The following ASAH1 variants were observed in gnomAD, a reference collection of about 807,000 sequenced individuals.
The protein encoded by ASAH1 is acid ceramidase.
In ASAH1, 70 loss-of-function variants were observed where a neutral mutation model predicts 59.5. The ratio of observed to expected loss-of-function variants is 1.18; its 90% confidence interval spans 0.97 to 1.43. The LOEUF (loss-of-function observed/expected upper bound fraction) is 1.43. Among genes scored for constraint, ASAH1 ranks in the 40% most tolerant of loss-of-function variants. The pLI is 0.00. For synonymous variants in ASAH1, 213 were observed against 166.5 expected (o/e 1.28, Z -2.15); for missense variants, 660 against 482.5 (o/e 1.37, Z -3.45).
chr8:18,084,582 C>T (rs371638635), upstream of ASAH1: 49 of 1,572,668 alleles, frequency 3.1e-5, no homozygotes, highest in Middle Eastern at 1.3e-3. Flanking sequence ...GTTATTCATC[C>T]CCACCGCGGA....
chr8:18,084,346 C>T (rs754288194), upstream of ASAH1: 103 of 1,414,944 alleles, frequency 7.3e-5, no homozygotes, highest in Non-Finnish European at 9.2e-5. Flanking sequence ...CCCTCCCCCA[C>T]CGCGGGCAAT....
At chr8:18,071,111 G>A (rs1011239965) in intron 3 of ASAH1, among the ~76,000 whole-genome samples, 189 bp downstream of exon 3, 5 of 151,960 alleles carry the variant, frequency 3.3e-5, no homozygotes, top group Non-Finnish European at 5.9e-5. Flanking sequence ...GGAAGCTGAG[G>A]CAGGGAAATT....
intron 8 of ASAH1, 170 bp from the exon 9 acceptor site, chr8:18,061,910 T>G (rs1027740348): frequency 4.1e-6 from 3 of 727,024 alleles, no homozygotes; most frequent in African/African-American, 1.8e-5. Flanking sequence ...CATTTTTGAT[T>G]CTAGTATGTG....
upstream of ASAH1, chr8:18,084,508 C>G: frequency 1.5e-6 from 2 of 1,355,398 alleles, no homozygotes; most frequent in Non-Finnish European, 2.0e-6. Context: ...AGTCTCAACA[C>G]TAATGTAACA....
intron 1 of ASAH1, among the ~76,000 whole-genome samples, chr8:18,077,603 GTTCT>G (rs1224654201): frequency 6.6e-6 from 1 of 152,102 alleles, no homozygotes; most frequent in East Asian, 1.9e-4. Context: ...CACATGCTTT[GTTCT>G]TTAATTGATA....
In ASAH1 at chr8:18,057,466, A is replaced by G; in HGVS notation, c.*68T>C. 1.6e-6 allele frequency: 2 copies of G among 1,251,224 alleles called. No homozygotes were observed. The highest frequency in any genetic ancestry group is 2.6e-5 in the East Asian group (1 of 37,832). The allele number at this position is 1,251,224 out of a possible 1,614,324, so 77.5% of individuals were successfully genotyped here. The stretch of plus-strand genomic sequence containing the variant: ...AGTCTTTGGAAGGTCAGACAGCTGC[A>G]GTGTTCGGTCACATGGAGATGGTGT... On this transcript the variant is annotated 3_prime_UTR_variant, in exon 14 of 14. Coordinates refer to ENST00000637790, the MANE Select transcript of ASAH1 (RefSeq NM_177924.5).
chr8:18,056,580 G>C lies in ASAH1; in HGVS notation c.*954C>G, dbSNP rs893307277. The C allele has an allele frequency of 6.6e-5, 10 of 152,140 alleles. No homozygotes were observed. The highest frequency in any genetic ancestry group is 2.2e-4 in the African/African-American group (9 of 41,416). The allele number at this position is 152,140 out of a possible 1,614,324, so 9.4% of individuals were successfully genotyped here. A position where few individuals can be genotyped will look rare whatever the true frequency, so the allele number is the denominator to read the frequency against. On this transcript the variant is annotated 3_prime_UTR_variant, in exon 14 of 14. Transcript: ENST00000637790. ...TCGTGAAGGTTAGAAAGGTTAACAA[G>C]TTCTATTAGTACTTTTCATAAGCAG... is the stretch of plus-strand genomic sequence containing the variant.
At chr8:18,069,263 T>G (rs1257068297) in intron 4 of ASAH1, among the ~76,000 whole-genome samples, 1 of 151,812 alleles carries the variant, frequency 6.6e-6, no homozygotes, top group African/African-American at 2.4e-5. Flanking sequence ...GTTTCATTGG[T>G]TCTGCGTCAA....
intron 4 of ASAH1, chr8:18,069,438 T>C (rs1426124109): frequency 4.4e-6 from 1 of 227,870 alleles, no homozygotes; most frequent in Admixed American, 5.6e-5. Context: ...TGCTCATATC[T>C]ACAAAAAAAA....
chr8:18,064,431 C>A, intron 6 of ASAH1, 26 bp downstream of exon 6: 3 of 1,178,438 alleles, frequency 2.5e-6, no homozygotes, highest in East Asian at 2.4e-5. Context: ...CTTCATGCTG[C>A]CCACCCTCCC....
chr8:18,063,301 T>G (rs1379160619), intron 6 of ASAH1, 71 bp from the exon 7 acceptor site: 46 of 1,358,696 alleles, frequency 3.4e-5, no homozygotes, highest in Non-Finnish European at 4.4e-5. Flanking sequence ...ACAATTAATT[T>G]TGATTAATTA....
chr8:18,063,308 A>G lies in ASAH1; in HGVS notation c.458-78T>C, dbSNP rs774953285. 3.7e-6 allele frequency: 5 copies of G among 1,350,210 alleles called. No individual in the cohort carries two copies. In the Admixed American group the frequency reaches 8.4e-5, roughly 23 times the overall value. 83.6% of individuals were successfully genotyped at this position (1,350,210 alleles called of 1,614,324 possible). ...AAAGCTGGACAATTAATTTTGATTA[A>G]TTAATTTATTTTTGAGACAGAGTCT... On this transcript the variant is annotated intron_variant, in intron 6 of 13. Transcript: ENST00000637790.
chr8:18,071,254 A>AAAATG (rs2117061941), intron 3 of ASAH1, 46 bp downstream of exon 3: 5 of 902,190 alleles, frequency 5.5e-6, no homozygotes, highest in Non-Finnish European at 7.2e-6. Flanking sequence ...GAAATAAAAT[A>AAAATG]AAAAATAAAA....
chr8:18,084,438 G>T (rs928988209), upstream of ASAH1: 7 of 1,364,320 alleles, frequency 5.1e-6, no homozygotes, highest in African/African-American at 1.0e-4. Context: ...CCTCTAGCAG[G>T]CGGGTGCAGC....
At chr8:18,066,934 T>C in intron 5 of ASAH1, 1 of 377,444 alleles carries the variant, frequency 2.6e-6, no homozygotes, top group East Asian at 3.8e-5. Context: ...GCAAAACTAA[T>C]CTATAGTGAC....
chr8:18,058,025 T>TA (rs1799542195), intron 13 of ASAH1: 1 of 156,674 alleles, frequency 6.4e-6, no homozygotes, highest in Non-Finnish European at 1.4e-5. Flanking sequence ...TCCTATGGAG[T>TA]AAAAACCGTG....
In ASAH1 at chr8:18,056,663, A is replaced by G. The variant is rs1799482436; in HGVS notation, c.*871T>C. 6.6e-6 allele frequency: 1 copy of G among 152,128 alleles called. No individual in the cohort carries two copies. The highest frequency in any genetic ancestry group is 2.4e-5 in the African/African-American group (1 of 41,422). 9.4% of individuals were successfully genotyped at this position (152,128 alleles called of 1,614,324 possible). ...TAGTAACTACTAAAATTTCTTTAAA[A>G]CTCCCTATCAATCTGAAGAACAAAC... On this transcript the variant is annotated 3_prime_UTR_variant, in exon 14 of 14. Transcript: ENST00000637790.
chr8:18,083,068 T>C (rs1800724029), intron 1 of ASAH1: 1 of 152,180 alleles, frequency 6.6e-6, no homozygotes, highest in Non-Finnish European at 1.5e-5. Context: ...GAATTTCTCC[T>C]TACAGGTATA....
chr8:18,072,084 G>C (rs1767017081), intron 2 of ASAH1, among the ~76,000 whole-genome samples: 1 of 152,178 alleles, frequency 6.6e-6, no homozygotes, highest in Non-Finnish European at 1.5e-5. Context: ...CAGTGAAGCT[G>C]GGCCATATTT....
Sources: gnomAD v4.1 joint callset for allele counts (sites outside exome capture counted in the v4.1 genomes callset) on GRCh38, gnomAD v4.1.1 for gene constraint, MANE v1.5 for transcripts, NCBI Gene and HGNC (gene_info 2026-07-23, HGNC 2026-07-21) for gene names.